The following PTPRG variants were observed in gnomAD, a reference collection of about 807,000 sequenced individuals.
PTPRG encodes the protein protein tyrosine phosphatase receptor type G.
In PTPRG, 102 loss-of-function variants were observed where a neutral mutation model predicts 165.3. The ratio of observed to expected loss-of-function variants is 0.62; its 90% CI spans 0.53 to 0.73. PTPRG has a LOEUF of 0.73. PTPRG is among the 30% of genes least tolerant of loss of function. The pLI is 0.00. For missense variants in PTPRG, 1,866 were observed against 1,861.4 expected (o/e 1.00, Z -0.05); for synonymous variants, 675 against 669.5 (o/e 1.01, Z -0.13).
Position 62,219,090 on chromosome 3 carries a change from C to A in PTPRG, c.2288+107C>A. 6.9e-7 allele frequency: 1 copy of A among 1,442,970 alleles called. No homozygotes were observed. Among genetic ancestry groups the A allele is most frequent in the Non-Finnish European group, 9.4e-7 (1 of 1,066,476 alleles). 89.4% of individuals were successfully genotyped at this position (1,442,970 alleles called of 1,614,324 possible). ...CTCTGCATTCAGGAAGGTGAGGTAG[C>A]TTAAGTGTTTCTGGTCTTGCCACCC... On this transcript the variant is annotated intron_variant, in intron 13 of 29. Coordinates refer to ENST00000474889, the MANE Select transcript of PTPRG (RefSeq NM_002841.4). This position sits in a 1 kb window ranked among gnomAD's most constrained non-coding sequence, Gnocchi z 4.5.
chr3:61,621,051 A>ATATGTGTGTGTGTGTG lies in PTPRG; in HGVS notation c.85+58680_85+58681insATGTGTGTGTGTGTGT. 5.9e-5 allele frequency among the ~76,000 whole-genome samples: 7 copies of ATATGTGTGTGTGTGTG among 117,990 alleles called. No individual in the cohort carries two copies. In the East Asian group the frequency reaches 8.3e-4, roughly 14 times the overall value. 77.4% of individuals were successfully genotyped at this position (117,990 alleles called of 152,430 possible). On this transcript the variant is annotated intron_variant, in intron 1 of 29. Transcript: ENST00000474889. ...TGTGTGTGTATATATATATATATATATGTGTGTGTGTGTGTGTGTGTGTGT... is the reference window on the plus strand; with the variant it reads ...TGTGTGTGTATATATATATATATATATATGTGTGTGTGTGTGTGTGTGTGTGTGTGTGTGTGTGTGT...
At position 62,271,684 on chromosome 3, in the gene PTPRG, A is replaced by T; in HGVS notation, c.3182+129A>T. Reference sequence around the variant, plus strand: ...CTTCCACTGGAAACTGGGATGGATAAGACCTATGATAGTCTTAAAGAGGCT... The same window carrying T: ...CTTCCACTGGAAACTGGGATGGATATGACCTATGATAGTCTTAAAGAGGCT... On this transcript the variant is annotated intron_variant, in intron 21 of 29. Coordinates refer to ENST00000474889, the MANE Select transcript of PTPRG (RefSeq NM_002841.4). The surrounding 1 kb of genome is among the most constrained non-coding windows in gnomAD (Gnocchi z 4.1). 1.3e-6 allele frequency: 1 copy of T among 783,806 alleles called. No homozygotes were observed. The highest frequency in any genetic ancestry group is 2.8e-5 in the East Asian group (1 of 35,910). The allele number at this position is 783,806 out of a possible 1,614,324, so 48.6% of individuals were successfully genotyped here.
intron 3 of PTPRG, among the ~76,000 whole-genome samples, chr3:62,000,107 A>T (rs2041134603): frequency 6.6e-6 from 1 of 152,136 alleles, no homozygotes; most frequent in Admixed American, 6.5e-5. Flanking sequence ...GTTCGAGACC[A>T]GCCTGGCTAA....
intron 2 of PTPRG, among the ~76,000 whole-genome samples, chr3:61,853,749 G>T (rs2037029620): frequency 6.6e-6 from 1 of 152,190 alleles, no homozygotes; most frequent in Non-Finnish European, 1.5e-5. Flanking sequence ...TGCTAGGAAA[G>T]TCTTTACATA....
chr3:61,994,448 A>G (rs1339357706), intron 3 of PTPRG, among the ~76,000 whole-genome samples: 1 of 152,140 alleles, frequency 6.6e-6, no homozygotes, highest in Non-Finnish European at 1.5e-5. Context: ...CTTTGCCTAC[A>G]TTCTTCCCTA....
At chr3:62,276,050 T>C (rs1236622244) in intron 24 of PTPRG, 84 bp downstream of exon 24, 6 of 964,116 alleles carry the variant, frequency 6.2e-6, no homozygotes, top group South Asian at 1.6e-5. Context: ...CTGATGCTAT[T>C]GATAGCACCC....
chr3:62,248,912 G>T (rs1236051102), intron 15 of PTPRG, among the ~76,000 whole-genome samples: 1 of 152,124 alleles, frequency 6.6e-6, no homozygotes, highest in Non-Finnish European at 1.5e-5. Context: ...CTTCAGCAGG[G>T]TGCCAGAATA....
chr3:61,940,976 T>TG (rs2107605403), intron 2 of PTPRG, among the ~76,000 whole-genome samples: 1 of 152,252 alleles, frequency 6.6e-6, no homozygotes, highest in East Asian at 1.9e-4. Context: ...TGTGGTCTGG[T>TG]GGAAGGAGTT....
chr3:62,182,495 A>T (rs1241092457), intron 8 of PTPRG, among the ~76,000 whole-genome samples: 2 of 152,022 alleles, frequency 1.3e-5, no homozygotes, highest in African/African-American at 4.8e-5. Context: ...GACACTCAAA[A>T]CCTCTGTTTT....
chr3:62,010,907 C>T (rs1463459699), intron 4 of PTPRG, among the ~76,000 whole-genome samples: 1 of 152,112 alleles, frequency 6.6e-6, no homozygotes, highest in Non-Finnish European at 1.5e-5. Flanking sequence ...TAAGCAAGGT[C>T]CAGGTTCTTG....
chr3:61,651,838 C>A (rs532414393), intron 1 of PTPRG, among the ~76,000 whole-genome samples: 4 of 152,042 alleles, frequency 2.6e-5, no homozygotes, highest in Non-Finnish European at 5.9e-5. Context: ...GGCGAAACCC[C>A]GTCTCTACTA....
chr3:62,078,247 A>G lies in PTPRG; in HGVS notation c.604A>G (p.Ile202Val), dbSNP rs749574861. 5.6e-6 allele frequency: 9 copies of G among 1,594,308 alleles called. No individual in the cohort carries two copies. The highest frequency in any genetic ancestry group is 2.7e-5 in the African/African-American group (2 of 73,928). The part of the protein sequence containing the change: ...SENRIIGAMA[I>V]FFQVSPRDNS... ...GAACAGAATAATCGGAGCCATGGCC[A>G]TATTTTTTCAAGTAAGTTAACAGTG... Residue 202 changes from isoleucine to valine, a missense_variant, in exon 5 of 30, where the codon ATA becomes GTA. Physicochemically the swap from Ile to Val is conservative, Grantham distance 29. Around this residue, in one of 3 missense-constraint regions of PTPRG, gnomAD observed 408 missense variants for 376.2 expected, o/e 1.08. Coordinates refer to ENST00000474889, the MANE Select transcript of PTPRG (RefSeq NM_002841.4).
intron 1 of PTPRG, among the ~76,000 whole-genome samples, chr3:61,570,844 C>T (rs1044561059): frequency 6.6e-6 from 1 of 152,144 alleles, no homozygotes; most frequent in Non-Finnish European, 1.5e-5. Flanking sequence ...TGACACTTTT[C>T]CAGAAGCGTT....
intron 2 of PTPRG, among the ~76,000 whole-genome samples, chr3:61,752,328 C>T (rs2033465084): frequency 3.9e-5 from 6 of 152,278 alleles, no homozygotes; most frequent in South Asian, 2.1e-4. Flanking sequence ...ACACCCATCA[C>T]ATTGCATATT....
At chr3:61,659,293 G>A in intron 1 of PTPRG, 1 of 985,046 alleles carries the variant, frequency 1.0e-6, no homozygotes, top group African/African-American at 1.7e-5. Context: ...CATCGACAAA[G>A]GCACTGATGG....
In PTPRG at chr3:62,297,314, A is replaced by T. The variant is rs1433140792; in HGVS notation, c.*4007A>T. Reference sequence around the variant, plus strand: ...TCTTTACATTCCAAAAGAATCCAACATGTGTTATTTCTTTGAGGCAGTGAT... The same window carrying T: ...TCTTTACATTCCAAAAGAATCCAACTTGTGTTATTTCTTTGAGGCAGTGAT... On this transcript the variant is annotated 3_prime_UTR_variant, in exon 30 of 30. Transcript: ENST00000474889. 1.3e-5 allele frequency: 2 copies of T among 151,962 alleles called. No homozygotes were observed. The highest frequency in any genetic ancestry group is 2.9e-5 in the Non-Finnish European group (2 of 67,950). 9.4% of individuals were successfully genotyped at this position (151,962 alleles called of 1,614,324 possible). A position where few individuals can be genotyped will look rare whatever the true frequency, so the allele number is the denominator to read the frequency against.
At chr3:61,735,529 G>GTTTT (rs11352504) in intron 1 of PTPRG, among the ~76,000 whole-genome samples, 3 of 143,202 alleles carry the variant, frequency 2.1e-5, no homozygotes, top group Non-Finnish European at 3.1e-5. Flanking sequence ...AATTCCTTGA[G>GTTTT]TTTTTTTTTT....
chr3:62,008,187 T>C (rs1449522947), intron 4 of PTPRG, among the ~76,000 whole-genome samples: 2 of 152,206 alleles, frequency 1.3e-5, no homozygotes, highest in East Asian at 3.9e-4. Context: ...AGAAATTGAA[T>C]CATGCTGTAT....
intron 4 of PTPRG, among the ~76,000 whole-genome samples, chr3:62,039,593 G>GA (rs1700062318): frequency 1.3e-5 from 2 of 152,158 alleles, no homozygotes; most frequent in Non-Finnish European, 2.9e-5. Flanking sequence ...TGGTAGATCT[G>GA]AAGGGAGTCT....
Sources: allele counts gnomAD v4.1 joint callset (sites outside exome capture counted in the v4.1 genomes callset), GRCh38; gene constraint gnomAD v4.1.1; regional missense constraint gnomAD v4.1.1; non-coding constraint Gnocchi (gnomAD v3.1); transcripts MANE v1.5; gene names NCBI Gene and HGNC (gene_info 2026-07-23, HGNC 2026-07-21).